The following CRHR1 variants were observed in gnomAD, a reference collection of about 807,000 sequenced individuals.
The protein encoded by CRHR1 is corticotropin-releasing hormone receptor 1.
Under a neutral mutation model 56.0 loss-of-function variants are expected in CRHR1, and 28 were observed. The ratio of observed to expected loss-of-function variants is 0.50; its 90% CI spans 0.37 to 0.69. CRHR1 has a LOEUF of 0.69. Among genes scored for constraint, CRHR1 ranks in the 30% least tolerant of loss-of-function variants. The pLI is 0.00. For synonymous variants in CRHR1, 195 were observed against 216.5 expected (o/e 0.90, Z 0.87); for missense variants, 376 against 548.0 (o/e 0.69, Z 3.13).
At chr17:45,815,433 C>G (rs1335465072) in intron 2 of CRHR1, among the ~76,000 whole-genome samples, 1 of 152,220 alleles carries the variant, frequency 6.6e-6, no homozygotes, top group Non-Finnish European at 1.5e-5. Flanking sequence ...TGCTCTCTCT[C>G]TCTCCTCCAA....
At position 45,834,069 on chromosome 17, in the gene CRHR1, C is replaced by A. The variant is rs149637584; in HGVS notation, c.1107+21C>A. 4 of 1,612,156 alleles carry A rather than the reference C, an allele frequency of 2.5e-6. No individual in the cohort carries two copies. The Admixed American group carries it at 5.0e-5, about 20-fold the overall frequency. ...GTGAGGTGAGGACCCGGGGGCCCTGCAGCGGGGTTCAGGGCTGTGAGGCCT... is the reference window on the plus strand; with the variant it reads ...GTGAGGTGAGGACCCGGGGGCCCTGAAGCGGGGTTCAGGGCTGTGAGGCCT... On this transcript the variant is annotated intron_variant, in intron 12 of 12. Transcript: ENST00000314537.
At chr17:45,791,048 C>T (rs1251102477) in intron 1 of CRHR1, among the ~76,000 whole-genome samples, 1 of 152,162 alleles carries the variant, frequency 6.6e-6, no homozygotes, top group Admixed American at 6.5e-5. Context: ...TGGGGAGTGC[C>T]CTCCCTCTGT....
chr17:45,794,326 C>T (rs1378858324), intron 1 of CRHR1, among the ~76,000 whole-genome samples: 1 of 152,226 alleles, frequency 6.6e-6, no homozygotes, highest in African/African-American at 2.4e-5. Flanking sequence ...AGACCAGGAA[C>T]CAATTGTTGG....
chr17:45,803,614 G>A lies in CRHR1; in HGVS notation c.34-3396G>A, dbSNP rs537725039. ...TTGGCCAGGCTGGTCTCAAACTCCCGACCTCAGGTGATCCGCCTGCCTTGG... is the reference window on the plus strand; with the variant it reads ...TTGGCCAGGCTGGTCTCAAACTCCCAACCTCAGGTGATCCGCCTGCCTTGG... On this transcript the variant is annotated intron_variant, in intron 1 of 12. Transcript: ENST00000314537. Among the ~76,000 whole-genome samples, 26 of 152,266 alleles carry A rather than the reference G, an allele frequency of 1.7e-4. 1 individual carries two copies. The Middle Eastern group carries it at 0.01, about 60-fold the overall frequency.
intron 10 of CRHR1, 21 bp from the exon 11 acceptor site, chr17:45,833,693 T>TGGGCCCCC: frequency 1.9e-6 from 3 of 1,571,584 alleles, no homozygotes; most frequent in Non-Finnish European, 2.6e-6. Flanking sequence ...ACTCCGAGCC[T>TGGGCCCCC]CCCCACCCGC....
intron 1 of CRHR1, among the ~76,000 whole-genome samples, chr17:45,794,993 CT>C (rs2061492566): frequency 6.6e-6 from 1 of 152,210 alleles, no homozygotes; most frequent in African/African-American, 2.4e-5. Flanking sequence ...CATTCCTCAA[CT>C]TTGGCTGCAT....
chr17:45,815,166 A>G (rs1336109144), intron 2 of CRHR1, among the ~76,000 whole-genome samples: 2 of 152,204 alleles, frequency 1.3e-5, no homozygotes, highest in African/African-American at 2.4e-5. Context: ...GCGCTGGTTC[A>G]TGGTTCCTGG....
At chr17:45,833,337 T>C (rs2062360227) in intron 9 of CRHR1, 115 bp from the exon 10 acceptor site, 2 of 1,436,268 alleles carry the variant, frequency 1.4e-6, no homozygotes, top group South Asian at 1.2e-5. Context: ...GGGTCAGAGA[T>C]GTGCAGGTGC....
At chr17:45,818,570 A>G (rs242938) in intron 3 of CRHR1, among the ~76,000 whole-genome samples, 137,928 of 152,178 alleles carry the variant, frequency 0.91, 62,723 homozygotes, top group East Asian at 1. Context: ...GCTCCCCCGC[A>G]CTTCCCTCTG....
At chr17:45,813,278 A>G (rs2061858767) in intron 2 of CRHR1, among the ~76,000 whole-genome samples, 1 of 152,114 alleles carries the variant, frequency 6.6e-6, no homozygotes, top group Non-Finnish European at 1.5e-5. Flanking sequence ...TCCGCGGCTG[A>G]GGCCCTTGTG....
intron 2 of CRHR1, among the ~76,000 whole-genome samples, chr17:45,813,371 A>C (rs368525652): frequency 2.1e-5 from 3 of 145,774 alleles, no homozygotes; most frequent in African/African-American, 7.4e-5. Flanking sequence ...GGATGGGGGA[A>C]CTTTGTCTCC....
At chr17:45,799,729 G>A (rs1215888495) in intron 1 of CRHR1, 1 of 152,240 alleles carries the variant, frequency 6.6e-6, no homozygotes, top group Non-Finnish European at 1.5e-5. Context: ...CCCAGGCCAG[G>A]GAAGGCAACA....
At chr17:45,817,188 C>T (rs1267662896) in intron 3 of CRHR1, among the ~76,000 whole-genome samples, 2 of 152,326 alleles carry the variant, frequency 1.3e-5, no homozygotes, top group East Asian at 1.9e-4. Context: ...CCCCGGAGGC[C>T]CGAAACCCCC....
intron 1 of CRHR1, among the ~76,000 whole-genome samples, chr17:45,789,095 T>C (rs2061383865): frequency 6.6e-6 from 1 of 152,082 alleles, no homozygotes; most frequent in Admixed American, 6.5e-5. Context: ...CCAGTGAAAC[T>C]CCAGCGCTTT....
chr17:45,830,641 G>T (rs1333310245), intron 7 of CRHR1, 71 bp downstream of exon 7: 2 of 1,531,924 alleles, frequency 1.3e-6, no homozygotes, highest in Non-Finnish European at 1.8e-6. Flanking sequence ...CCAGACTCAG[G>T]CCAGCGGGCT....
chr17:45,834,119 C>T (rs929520922), intron 12 of CRHR1, 71 bp downstream of exon 12: 3 of 1,547,842 alleles, frequency 1.9e-6, no homozygotes, highest in Non-Finnish European at 2.7e-6. Flanking sequence ...TTGTCTAGAG[C>T]CTTCTCCTCC....
intron 4 of CRHR1, 127 bp downstream of exon 4, chr17:45,821,567 A>G: frequency 1.1e-6 from 1 of 905,712 alleles, no homozygotes; most frequent in South Asian, 1.5e-5. Context: ...AGTGAAGCTG[A>G]CTGGGGAGCT....
intron 1 of CRHR1, among the ~76,000 whole-genome samples, chr17:45,787,127 C>T (rs976553834): frequency 5.3e-5 from 8 of 152,126 alleles, no homozygotes; most frequent in African/African-American, 1.7e-4. Flanking sequence ...TATTGTGGGC[C>T]TCACACTATA....
At chr17:45,785,067 C>G (rs1249567805) in intron 1 of CRHR1, among the ~76,000 whole-genome samples, 1 of 152,160 alleles carries the variant, frequency 6.6e-6, no homozygotes, top group Non-Finnish European at 1.5e-5. Flanking sequence ...GCTGCGAGTC[C>G]GGAGAGATGA....
Sources: allele counts gnomAD v4.1 joint callset (sites outside exome capture counted in the v4.1 genomes callset), GRCh38; gene constraint gnomAD v4.1.1; transcripts MANE v1.5; gene names NCBI Gene and HGNC (gene_info 2026-07-23, HGNC 2026-07-21).